RPS6KC1: variants seen among roughly 807,000 people sequenced by gnomAD.
RPS6KC1 encodes the protein inactive ribosomal protein S6 kinase delta-1.
A neutral mutation model predicts 103.8 loss-of-function variants in RPS6KC1; 54 were observed. The observed-to-expected ratio is 0.52, with a 90% CI of 0.42 to 0.65. RPS6KC1 has a LOEUF of 0.65. Among genes scored for constraint, RPS6KC1 ranks in the 30% least tolerant of loss-of-function variants. The pLI, the probability that RPS6KC1 is intolerant of heterozygous loss-of-function variation, is 0.00. For synonymous variants in RPS6KC1, 439 were observed against 438.7 expected (o/e 1.00, Z -0.01); for missense variants, 1,151 against 1,253.8 (o/e 0.92, Z 1.24).
At chr1:213,070,190 T>C (rs2078740138) in intron 1 of RPS6KC1, among the ~76,000 whole-genome samples, 1 of 152,252 alleles carries the variant, frequency 6.6e-6, no homozygotes, top group South Asian at 2.1e-4. Flanking sequence ...TGTAGATTCA[T>C]ATACAGTTGT....
At position 213,272,421 on chromosome 1, in the gene RPS6KC1, T is replaced by G; in HGVS notation, c.3091-103T>G. ...TCACTTGGCTATTAATCAAGACTGCTTGTTACCAGGGTTGAATTTAGAAGT... is the reference window on the plus strand; with the variant it reads ...TCACTTGGCTATTAATCAAGACTGCGTGTTACCAGGGTTGAATTTAGAAGT... On this transcript the variant is annotated intron_variant, in intron 14 of 14. Coordinates refer to ENST00000366960, the MANE Select transcript of RPS6KC1 (RefSeq NM_012424.6). 7.1e-6 allele frequency: 6 copies of G among 841,974 alleles called. No individual in the cohort carries two copies. In the South Asian group the frequency reaches 9.1e-5, roughly 13 times the overall value. 52.2% of individuals were successfully genotyped at this position (841,974 alleles called of 1,614,324 possible).
chr1:213,714,963 G>A, the RPS6KC1 span, among the ~76,000 whole-genome samples: 1 of 152,186 alleles, frequency 6.6e-6, no homozygotes, highest in African/African-American at 2.4e-5. Context: ...GAGGGCAAGA[G>A]GGTGCATAGA....
chr1:213,753,560 C>T, the RPS6KC1 span, among the ~76,000 whole-genome samples: 16 of 152,026 alleles, frequency 1.1e-4, no homozygotes, highest in African/African-American at 3.1e-4. Flanking sequence ...TGTTGCTCAC[C>T]GTCTTTGTTT....
At chr1:213,445,902 TATAG>T in the RPS6KC1 span, among the ~76,000 whole-genome samples, 2 of 152,166 alleles carry the variant, frequency 1.3e-5, no homozygotes, top group African/African-American at 4.8e-5. Flanking sequence ...ATCTCCATTC[TATAG>T]ACTGAGAAGC....
chr1:213,389,300 G>A, the RPS6KC1 span, among the ~76,000 whole-genome samples: 1 of 152,150 alleles, frequency 6.6e-6, no homozygotes, highest in African/African-American at 2.4e-5. Flanking sequence ...GCAGAGTTGG[G>A]GAACATTTTA....
At chr1:213,403,501 C>A in the RPS6KC1 span, among the ~76,000 whole-genome samples, 3 of 152,132 alleles carry the variant, frequency 2.0e-5, no homozygotes, top group Non-Finnish European at 4.4e-5. Context: ...TTTACCTTGC[C>A]CACGTCTTTA....
chr1:213,058,952 G>A (rs563913097), intron 1 of RPS6KC1, among the ~76,000 whole-genome samples: 1 of 152,232 alleles, frequency 6.6e-6, no homozygotes, highest in Non-Finnish European at 1.5e-5. Context: ...GTGGTTTTGA[G>A]CAAATTGCTT....
intron 8 of RPS6KC1, among the ~76,000 whole-genome samples, chr1:213,195,568 TTGTATAC>T (rs1302557588): frequency 1.4e-4 from 21 of 152,310 alleles, no homozygotes; most frequent in African/African-American, 4.8e-4. Context: ...CACCTGAGCA[TTGTATAC>T]TGTACCCATT....
At chr1:213,758,838 A>G in the RPS6KC1 span, among the ~76,000 whole-genome samples, 28,596 of 152,196 alleles carry the variant, frequency 0.19, 3,065 homozygotes, top group Admixed American at 0.31. Flanking sequence ...ATGAGCAAAG[A>G]AAGTGGCTTC....
intron 1 of RPS6KC1, among the ~76,000 whole-genome samples, chr1:213,063,656 CAT>C (rs1353231590): frequency 6.6e-6 from 1 of 152,056 alleles, no homozygotes; most frequent in Non-Finnish European, 1.5e-5. Flanking sequence ...TAATAAATAA[CAT>C]AAAAATAAAA....
intron 8 of RPS6KC1, among the ~76,000 whole-genome samples, chr1:213,226,312 G>T (rs1248366610): frequency 6.6e-6 from 1 of 151,884 alleles, no homozygotes; most frequent in African/African-American, 2.4e-5. Flanking sequence ...ATGTTCAACA[G>T]ATATTTATTG....
chr1:213,748,754 G>A, the RPS6KC1 span, among the ~76,000 whole-genome samples: 1 of 152,244 alleles, frequency 6.6e-6, no homozygotes, highest in Non-Finnish European at 1.5e-5. Flanking sequence ...ATCCTCTGCT[G>A]TCTGTTCTAG....
At chr1:213,180,038 G>A (rs753572990) in intron 8 of RPS6KC1, among the ~76,000 whole-genome samples, 23 of 152,146 alleles carry the variant, frequency 1.5e-4, no homozygotes, top group African/African-American at 5.3e-4. Flanking sequence ...TGTTGATTTA[G>A]TATTCAAAGA....
At chr1:213,721,029 G>T in the RPS6KC1 span, among the ~76,000 whole-genome samples, 18 of 152,302 alleles carry the variant, frequency 1.2e-4, no homozygotes, top group Non-Finnish European at 2.2e-4. Flanking sequence ...CCTCATAACG[G>T]TAATAATGTT....
the RPS6KC1 span, among the ~76,000 whole-genome samples, chr1:213,308,214 T>C: frequency 1.3e-5 from 2 of 150,232 alleles, no homozygotes; most frequent in Non-Finnish European, 2.9e-5. Flanking sequence ...CTCGGGAGGC[T>C]GAGGCATGAG....
chr1:213,238,817 A>T (rs1573523615), intron 10 of RPS6KC1, among the ~76,000 whole-genome samples: 1 of 152,228 alleles, frequency 6.6e-6, no homozygotes, highest in African/African-American at 2.4e-5. Context: ...TTGTGTAGGC[A>T]GTAGACATAC....
chr1:213,401,737 G>A, the RPS6KC1 span, among the ~76,000 whole-genome samples: 15 of 152,058 alleles, frequency 9.9e-5, no homozygotes, highest in East Asian at 2.7e-3. Context: ...AGCTCTTTTT[G>A]TGTATATTTG....
chr1:213,843,328 C>T, the RPS6KC1 span, among the ~76,000 whole-genome samples: 1 of 152,178 alleles, frequency 6.6e-6, no homozygotes, highest in Admixed American at 6.5e-5. Context: ...AAAGGTGACA[C>T]ATAAGATCAA....
At chr1:213,301,785 G>A in the RPS6KC1 span, among the ~76,000 whole-genome samples, 2 of 151,672 alleles carry the variant, frequency 1.3e-5, no homozygotes, top group Admixed American at 1.3e-4. Flanking sequence ...CAGGCTACTA[G>A]AGTGTAGTGG....
Sources: allele counts gnomAD v4.1 joint callset (sites outside exome capture counted in the v4.1 genomes callset), GRCh38; gene constraint gnomAD v4.1.1; transcripts MANE v1.5; gene names NCBI Gene and HGNC (gene_info 2026-07-23, HGNC 2026-07-21).